MS4A14: variants seen among roughly 807,000 people sequenced by gnomAD.
The protein encoded by MS4A14 is membrane spanning 4-domains A14, also known as membrane-spanning 4-domains subfamily A member 14.
MS4A14 carries 18 observed loss-of-function variants against 16.7 expected under a neutral mutation model. That is an observed-to-expected ratio of 1.08 (90% confidence interval 0.75 to 1.60). MS4A14 has a LOEUF of 1.60. Among genes scored for constraint, MS4A14 ranks in the 40% most tolerant of loss-of-function variants. The pLI is 0.00. For synonymous variants in MS4A14, 305 were observed against 289.4 expected, an observed-to-expected ratio of 1.05 and a Z score of -0.55; for missense variants, 812 against 775.3, an observed-to-expected ratio of 1.05 and a Z score of -0.56.
At chr11:60,407,313 G>T (rs1219887860) in intron 4 of MS4A14, among the ~76,000 whole-genome samples, 1 of 152,088 alleles carries the variant, frequency 6.6e-6, no homozygotes, top group Admixed American at 6.6e-5. Flanking sequence ...GCGCCACTGC[G>T]CCCAGTCCAT....
rs745733183 is a variant in MS4A14 at position 60,415,999 on chromosome 11, TCAAA to T, written c.1034_1037del (p.Lys345SerfsTer5). On this transcript the variant is annotated frameshift_variant, in exon 5 of 5. Coordinates refer to ENST00000300187, the MANE Select transcript of MS4A14 (RefSeq NM_032597.5). LOFTEE classifies it low-confidence loss of function (END_TRUNC). ...CCATCTAAGTCTACATCATCCCATG[TCAAA>T]CAGTCTTCTAATCTGACAGCTAATG... 12 of 1,613,884 alleles carry T rather than the reference TCAAA, an allele frequency of 7.4e-6. No homozygotes were observed. Among genetic ancestry groups the T allele is most frequent in the Non-Finnish European group, 7.6e-6 (9 of 1,179,936 alleles).
Position 60,416,584 on chromosome 11 carries a change from A to C in MS4A14, c.1616A>C (p.Asp539Ala). ...AAATCCTTAGACCAGCAAATCAAAG[A>C]CTGGCTATCCCCAAAGAGGCACTCC... is the stretch of plus-strand genomic sequence containing the variant. ...KQKSLDQQIK[D>A]WLSPKRHSVD... Residue 539 changes from aspartate (D) to alanine (A), a missense_variant, in exon 5 of 5, where the codon GAC becomes GCC. Transcript: ENST00000300187. 1 of 1,613,904 alleles carries C rather than the reference A, an allele frequency of 6.2e-7. No homozygotes were observed. The highest frequency in any genetic ancestry group is 8.5e-7 in the Non-Finnish European group (1 of 1,179,944).
At chr11:60,404,627 A>G (rs1034735220) in intron 4 of MS4A14, 2 of 455,458 alleles carry the variant, frequency 4.4e-6, no homozygotes, top group Non-Finnish European at 8.8e-6. Context: ...CCCCAAGATG[A>G]TCAGAGGATC....
intron 4 of MS4A14, among the ~76,000 whole-genome samples, chr11:60,412,651 A>G (rs564677195): frequency 9.9e-5 from 15 of 151,964 alleles, no homozygotes; most frequent in African/African-American, 2.9e-4. Flanking sequence ...AGGTTTATCA[A>G]TTTTGTTGAT....
chr11:60,399,185 C>G (rs542113439), intron 2 of MS4A14, among the ~76,000 whole-genome samples: 1 of 152,294 alleles, frequency 6.6e-6, no homozygotes, highest in African/African-American at 2.4e-5. Flanking sequence ...TCAAAAGTAA[C>G]CCCAAATATT....
At chr11:60,402,804 C>A in intron 3 of MS4A14, 108 bp from the exon 4 acceptor site, 2 of 1,116,510 alleles carry the variant, frequency 1.8e-6, no homozygotes, top group Non-Finnish European at 1.3e-6. Flanking sequence ...TGGAACAACT[C>A]TTCCCTGAGA....
chr11:60,396,788 G>C, intron 1 of MS4A14, 72 bp downstream of exon 1: 6 of 1,397,220 alleles, frequency 4.3e-6, no homozygotes, highest in Non-Finnish European at 4.8e-6. Context: ...TATGTCTGCA[G>C]AGATATGCAG....
intron 1 of MS4A14, among the ~76,000 whole-genome samples, chr11:60,397,297 C>T (rs981579713): frequency 6.6e-6 from 1 of 152,154 alleles, no homozygotes; most frequent in African/African-American, 2.4e-5. Context: ...GGGCTATTCT[C>T]ATCCCTAGTT....
chr11:60,404,751 C>T (rs1309129941), intron 4 of MS4A14: 3 of 385,186 alleles, frequency 7.8e-6, no homozygotes, highest in Non-Finnish European at 1.5e-5. Context: ...GACCTCACCT[C>T]TATGCTCATA....
At chr11:60,410,831 GTTTT>G (rs34211432) in intron 4 of MS4A14, among the ~76,000 whole-genome samples, 6 of 151,448 alleles carry the variant, frequency 4.0e-5, no homozygotes, top group Non-Finnish European at 7.4e-5. Flanking sequence ...TATTTTTTGG[GTTTT>G]TTTTTTTGTT....
chr11:60,407,584 C>T (rs1212927060), intron 4 of MS4A14, among the ~76,000 whole-genome samples: 2 of 152,150 alleles, frequency 1.3e-5, no homozygotes, highest in African/African-American at 4.8e-5. Flanking sequence ...ATCATTAACA[C>T]TTGAAACTGT....
Position 60,397,919 on chromosome 11 carries a change from G to T in MS4A14, c.206G>T (p.Gly69Val), listed in dbSNP as rs144076317. 2.7e-5 allele frequency: 43 copies of T among 1,613,502 alleles called. No homozygotes were observed. The highest frequency in any genetic ancestry group is 3.6e-5 in the Non-Finnish European group (43 of 1,179,580). ...ACTATATTTGCACTTAATTACATCG[G>T]TTTCTCCCAAAGACTTCCCCTTGTT... The part of the protein sequence containing the change: ...FGTIFALNYI[G>V]FSQRLPLVVL... The change falls in exon 2 of 5, where the codon GGT (glycine) becomes GTT (valine). Residue 69 changes from glycine (G) to valine (V), a missense_variant. Coordinates refer to ENST00000300187, the MANE Select transcript of MS4A14 (RefSeq NM_032597.5).
rs759771229 is a variant in MS4A14 at position 60,415,566 on chromosome 11, G to C, written c.598G>C (p.Val200Leu). The C allele has an allele frequency of 3.7e-6, 6 of 1,613,754 alleles. No homozygotes were observed. In the East Asian group the frequency reaches 1.3e-4, roughly 36 times the overall value. The part of the protein sequence containing the change: ...SDDSTTNAQS[V>L]IFGGYAFFKL... ...TGATTCAACAACAAATGCACAATCT[G>C]TTATCTTTGGAGGCTATGCTTTCTT... is the stretch of plus-strand genomic sequence containing the variant. Residue 200 changes from valine (V) to leucine (L), a missense_variant, in exon 5 of 5, where the codon GTT becomes CTT. By Grantham distance (32) the Val-to-Leu change is conservative. Transcript: ENST00000300187.
chr11:60,396,769 T>G (rs1254454362), intron 1 of MS4A14, 53 bp downstream of exon 1: 3 of 1,562,798 alleles, frequency 1.9e-6, no homozygotes, highest in Non-Finnish European at 2.6e-6. Context: ...AGAAGTTTAT[T>G]TATTCATGTA....
At position 60,404,965 on chromosome 11, in the gene MS4A14, A is replaced by G. The variant is rs191681595; in HGVS notation, c.468+1904A>G. Among the ~76,000 whole-genome samples, 22 of 152,330 alleles carry G rather than the reference A, an allele frequency of 1.4e-4. No individual in the cohort carries two copies. The East Asian group carries it at 4.2e-3, about 29-fold the overall frequency. On this transcript the variant is annotated intron_variant, in intron 4 of 4. Coordinates refer to ENST00000300187, the MANE Select transcript of MS4A14 (RefSeq NM_032597.5). ...AAATTGCATACAATAGGGTCTTCATACATTTCAGTTTTACCAACAAATATT... is the reference window on the plus strand; with the variant it reads ...AAATTGCATACAATAGGGTCTTCATGCATTTCAGTTTTACCAACAAATATT...
intron 4 of MS4A14, among the ~76,000 whole-genome samples, chr11:60,409,964 TCA>T (rs1335304077): frequency 6.6e-6 from 1 of 152,194 alleles, no homozygotes; most frequent in Non-Finnish European, 1.5e-5. Context: ...TTCTCCTGTT[TCA>T]GTCTCCTGAG....
rs372708908 is a variant in MS4A14 at position 60,397,958 on chromosome 11, A to G, written c.245A>G (p.Tyr82Cys). ...CTTCCCCTTGTTGTCCTCACAGGAT[A>G]TCCATTCTGGGGAGCACTTATTGTG... is the stretch of plus-strand genomic sequence containing the variant. ...QRLPLVVLTG[Y>C]PFWGALIFIL... Residue 82 changes from tyrosine (Y) to cysteine (C), a missense_variant, in exon 2 of 5, where the codon TAT (tyrosine) becomes TGT (cysteine). By Grantham distance (194) the Tyr-to-Cys change is radical (BLOSUM62 -2). Transcript: ENST00000300187. 1.2e-5 allele frequency: 19 copies of G among 1,613,408 alleles called. No individual in the cohort carries two copies. The highest frequency in any genetic ancestry group is 1.5e-5 in the Non-Finnish European group (18 of 1,179,586).
At chr11:60,409,764 A>T (rs567114998) in intron 4 of MS4A14, among the ~76,000 whole-genome samples, 3 of 151,338 alleles carry the variant, frequency 2.0e-5, no homozygotes, top group African/African-American at 7.3e-5. Flanking sequence ...ATTTGTTTTT[A>T]TCATGGCCAT....
At position 60,417,617 on chromosome 11, in the gene MS4A14, C is replaced by T. The variant is rs993726447; in HGVS notation, c.*609C>T. The T allele has an allele frequency of 6.6e-6, 1 of 152,050 alleles. No individual in the cohort carries two copies. Among genetic ancestry groups the T allele is most frequent in the Non-Finnish European group, 1.5e-5 (1 of 68,016 alleles). 9.4% of individuals were successfully genotyped at this position (152,050 alleles called of 1,614,324 possible). On this transcript the variant is annotated 3_prime_UTR_variant, in exon 5 of 5. Coordinates refer to ENST00000300187, the MANE Select transcript of MS4A14 (RefSeq NM_032597.5). ...CTGTGGTTGCCACCTCATTAACTTA[C>T]AAAAAAATGAAGGGCATGCTGAGCA...
Sources: allele counts gnomAD v4.1 joint callset (sites outside exome capture counted in the v4.1 genomes callset), GRCh38; gene constraint gnomAD v4.1.1; transcripts MANE v1.5; gene names NCBI Gene and HGNC (gene_info 2026-07-23, HGNC 2026-07-21).